The following CDIPT variants were observed in gnomAD, a reference collection of about 807,000 sequenced individuals.
CDIPT encodes the protein PI synthase.
A neutral mutation model predicts 21.6 loss-of-function variants in CDIPT; 17 were observed. The observed-to-expected ratio is 0.79, with a 90% CI of 0.54 to 1.18. The LOEUF is 1.18. Among genes scored for constraint, CDIPT ranks in the 50% most tolerant of loss-of-function variants. CDIPT has a pLI of 0.00. For synonymous variants in CDIPT, 119 were observed against 117.9 expected, an observed-to-expected ratio of 1.01 and a Z score of -0.06; for missense variants, 254 against 284.9, an observed-to-expected ratio of 0.89 and a Z score of 0.78.
In CDIPT at chr16:29,863,138, G is replaced by A. The variant is rs1438560417; in HGVS notation, c.-281C>T. The A allele has an allele frequency of 2.8e-5, 13 of 462,314 alleles. No individual in the cohort carries two copies. Among genetic ancestry groups the A allele is most frequent in the Admixed American group, 4.5e-5 (1 of 22,070 alleles). 28.6% of individuals were successfully genotyped at this position (462,314 alleles called of 1,614,324 possible). A position where few individuals can be genotyped will look rare whatever the true frequency, so the allele number is the denominator to read the frequency against. On this transcript the variant is annotated 5_prime_UTR_variant, in exon 1 of 6. Coordinates refer to ENST00000219789, the MANE Select transcript of CDIPT (RefSeq NM_006319.5). The stretch of plus-strand genomic sequence containing the variant: ...GCAGGCGCTCCGGGCCTCCAGCTGC[G>A]GTCGCCGCTGCTCCAGCTGCGCGTG...
In CDIPT at chr16:29,860,564, G is replaced by A. The variant is rs1315171262; in HGVS notation, c.414+17C>T. The A allele has an allele frequency of 1.2e-5, 18 of 1,549,900 alleles. No homozygotes were observed. The highest frequency in any genetic ancestry group is 1.6e-5 in the Non-Finnish European group (18 of 1,122,076). ...CAGCCAAGAGCCTGAGGGGTGGGGT[G>A]TGCAGGAAATGCTTACCCTCGAGGT... On this transcript the variant is annotated intron_variant, in intron 4 of 5. Transcript: ENST00000219789.
At position 29,860,664 on chromosome 16, in the gene CDIPT, T is replaced by G; in HGVS notation, c.333-2A>C. The G allele has an allele frequency of 6.2e-7, 1 of 1,604,774 alleles. No individual in the cohort carries two copies. The highest frequency in any genetic ancestry group is 8.5e-7 in the Non-Finnish European group (1 of 1,172,408). On this transcript the variant is annotated splice_acceptor_variant, in intron 3 of 5. Transcript: ENST00000219789. LOFTEE classifies it high-confidence loss of function. ...CTCTCACTGCCTCGGACCACAGAAC[T>G]TGGGGAGAAAACAGGGGAACCCACA...
chr16:29,860,259 T>C (rs1416961476), intron 4 of CDIPT, among the ~76,000 whole-genome samples: 1 of 152,180 alleles, frequency 6.6e-6, no homozygotes, highest in East Asian at 1.9e-4. Context: ...CCATTATCTT[T>C]TTAAAAATCC....
rs574475619 is a variant in CDIPT, at chr16:29,861,739, T to C, written c.179-480A>G. On this transcript the variant is annotated intron_variant, in intron 2 of 5. Transcript: ENST00000219789. ...TGAATACACTGTTTTTTGTTTTTTG[T>C]TTTTTTTTTTCCGAGACAGAGTCTT... 1.5e-5 allele frequency: 5 copies of C among 339,104 alleles called. No homozygotes were observed. In the East Asian group the frequency reaches 2.1e-4, roughly 14 times the overall value. The allele number at this position is 339,104 out of a possible 1,614,324, so 21.0% of individuals were successfully genotyped here. A position where few individuals can be genotyped will look rare whatever the true frequency, so the allele number is the denominator to read the frequency against.
At position 29,862,293 on chromosome 16, in the gene CDIPT, G is replaced by A. The variant is rs1309680564; in HGVS notation, c.178+293C>T. 6.6e-6 allele frequency among the ~76,000 whole-genome samples: 1 copy of A among 152,124 alleles called. No homozygotes were observed. The highest frequency in any genetic ancestry group is 1.5e-5 in the Non-Finnish European group (1 of 68,016). ...AAAAATTAGCCGGGTGTGGTGGCAC[G>A]CTCCTGTAGTCCCAGCTAGTCAGGA... On this transcript the variant is annotated intron_variant, in intron 2 of 5. Coordinates refer to ENST00000219789, the MANE Select transcript of CDIPT (RefSeq NM_006319.5). The surrounding 1 kb of genome is among the most constrained non-coding windows in gnomAD (Gnocchi z 6.7).
chr16:29,861,638 T>A, intron 2 of CDIPT: 3 of 749,406 alleles, frequency 4.0e-6, no homozygotes, highest in Non-Finnish European at 6.4e-6. Flanking sequence ...TCCCTCTCCA[T>A]CCTCCCTCTA....
chr16:29,863,051 A>C lies in CDIPT; in HGVS notation c.-194T>G. 1.5e-6 allele frequency: 1 copy of C among 659,252 alleles called. No individual in the cohort carries two copies. Among genetic ancestry groups the C allele is most frequent in the Non-Finnish European group, 2.6e-6 (1 of 380,504 alleles). 40.8% of individuals were successfully genotyped at this position (659,252 alleles called of 1,614,324 possible). On this transcript the variant is annotated 5_prime_UTR_variant, in exon 1 of 6. Coordinates refer to ENST00000219789, the MANE Select transcript of CDIPT (RefSeq NM_006319.5). ...ATGGACCGGCCCCGAGGTGCGCGGGACGCAGGGGGCGCGCGCAGTCCGCCC... is the reference window on the plus strand; with the variant it reads ...ATGGACCGGCCCCGAGGTGCGCGGGCCGCAGGGGGCGCGCGCAGTCCGCCC...
chr16:29,861,360 G>T, intron 2 of CDIPT, 101 bp from the exon 3 acceptor site: 3 of 1,562,244 alleles, frequency 1.9e-6, no homozygotes, highest in Non-Finnish European at 2.6e-6. Context: ...ACGAAGACTG[G>T]AAGTGTCCGC....
intron 2 of CDIPT, chr16:29,861,596 A>G: frequency 8.5e-7 from 1 of 1,173,750 alleles, no homozygotes; most frequent in Non-Finnish European, 1.2e-6. Context: ...ACAGATTAAA[A>G]AATTAGTCAA....
At position 29,859,581 on chromosome 16, in the gene CDIPT, C is replaced by G. The variant is rs530047011; in HGVS notation, c.415-58G>C. ...GAGGCAGGCGTGTGCCACCCCCTGC[C>G]CCCCCAGCACTAATGAAGGCACAAT... On this transcript the variant is annotated intron_variant, in intron 4 of 5. Coordinates refer to ENST00000219789, the MANE Select transcript of CDIPT (RefSeq NM_006319.5). This position sits in a 1 kb window ranked among gnomAD's most constrained non-coding sequence, Gnocchi z 4.5. 2.5e-5 allele frequency: 27 copies of G among 1,097,558 alleles called. No homozygotes were observed. Among genetic ancestry groups the G allele is most frequent in the Middle Eastern group, 2.0e-4 (1 of 5,084 alleles). 68.0% of individuals were successfully genotyped at this position (1,097,558 alleles called of 1,614,324 possible).
chr16:29,859,475 G>A lies in CDIPT; in HGVS notation c.463C>T (p.Leu155Phe), dbSNP rs748709466. The change falls in exon 5 of 6, where the codon CTC becomes TTC. Residue 155 changes from leucine (L) to phenylalanine (F), a missense_variant. Leu to Phe is a conservative substitution (Grantham distance 22). Transcript: ENST00000219789. This position sits in a 1 kb window ranked among gnomAD's most constrained non-coding sequence, Gnocchi z 4.5. Reference sequence around the variant, plus strand: ...CCCTCAGAGAAATGGAACAGGTAGAGGAGGCAGTAGAAGAGCTCATTCCCA... The same window carrying A: ...CCCTCAGAGAAATGGAACAGGTAGAAGAGGCAGTAGAAGAGCTCATTCCCA... ...CAGNELFYCL[L>F]YLFHFSEGPL... is the part of the protein sequence containing the mutation. 2 of 1,613,546 alleles carry A rather than the reference G, an allele frequency of 1.2e-6. No individual in the cohort carries two copies. Among genetic ancestry groups the A allele is most frequent in the Non-Finnish European group, 1.7e-6 (2 of 1,179,630 alleles).
intron 3 of CDIPT, 163 bp downstream of exon 3, chr16:29,860,943 G>A (rs1245029838): frequency 4.4e-6 from 3 of 674,218 alleles, no homozygotes; most frequent in Admixed American, 2.7e-5. Flanking sequence ...CATGACTGAA[G>A]CTTTAAAGAG....
In CDIPT at chr16:29,862,994, C is replaced by T; in HGVS notation, c.-137G>A. On this transcript the variant is annotated 5_prime_UTR_variant, in exon 1 of 6. Transcript: ENST00000219789. This position sits in a 1 kb window ranked among gnomAD's most constrained non-coding sequence, Gnocchi z 6.7. Reference sequence around the variant, plus strand: ...CTGGACCCCGCCGCCCCAACCTGGCCCCAGATGCTGAAGCCCGCAGCCGTC... The same window carrying T: ...CTGGACCCCGCCGCCCCAACCTGGCTCCAGATGCTGAAGCCCGCAGCCGTC... The T allele has an allele frequency of 9.9e-7, 1 of 1,009,682 alleles. No homozygotes were observed. The highest frequency in any genetic ancestry group is 1.5e-6 in the Non-Finnish European group (1 of 649,142). 62.5% of individuals were successfully genotyped at this position (1,009,682 alleles called of 1,614,324 possible).
chr16:29,861,630 C>T, intron 2 of CDIPT: 1 of 771,318 alleles, frequency 1.3e-6, no homozygotes, highest in East Asian at 2.7e-5. Context: ...ATCACCCTTC[C>T]CTCTCCATCC....
rs752418353 is a variant in CDIPT, at chr16:29,862,554, C to T, written c.178+32G>A. The T allele has an allele frequency of 9.7e-6, 15 of 1,552,362 alleles. No individual in the cohort carries two copies. In the African/African-American group the frequency reaches 1.6e-4, roughly 17 times the overall value. On this transcript the variant is annotated intron_variant, in intron 2 of 5. Coordinates refer to ENST00000219789, the MANE Select transcript of CDIPT (RefSeq NM_006319.5). This position sits in a 1 kb window ranked among gnomAD's most constrained non-coding sequence, Gnocchi z 6.7. ...GGGAAGGGAGGAGGGGATTGTTGAA[C>T]CCCAAGGCTGGCTGAGAGGGGTGTC...
intron 4 of CDIPT, 99 bp downstream of exon 4, chr16:29,860,482 G>T: frequency 1.3e-6 from 1 of 779,608 alleles, no homozygotes; most frequent in Non-Finnish European, 2.2e-6. Context: ...GGCAGGCCCT[G>T]CTCTGCGCCC....
At position 29,862,599 on chromosome 16, in the gene CDIPT, G is replaced by A. The variant is rs758969620; in HGVS notation, c.165C>T (p.Arg55=). ...LLDAFDGHAA[R]ALNQGTRFGA... ...GGTGTCTGTCACCTTGATTAAGAGC[G>A]CGAGCAGCGTGTCCATCGAAAGCGT... The change falls in exon 2 of 6, where the codon CGC becomes CGT. Residue 55 remains arginine, a synonymous_variant. Transcript: ENST00000219789. This position sits in a 1 kb window ranked among gnomAD's most constrained non-coding sequence, Gnocchi z 6.7. 62 of 1,580,726 alleles carry A rather than the reference G, an allele frequency of 3.9e-5. No individual in the cohort carries two copies. The highest frequency in any genetic ancestry group is 4.9e-5 in the Non-Finnish European group (57 of 1,163,258).
rs894714090 is a variant in CDIPT, at chr16:29,859,997, TC to T, written c.415-475del. On this transcript the variant is annotated intron_variant, in intron 4 of 5. Transcript: ENST00000219789. This position sits in a 1 kb window ranked among gnomAD's most constrained non-coding sequence, Gnocchi z 4.5. Reference sequence around the variant, plus strand: ...TCCAGCCTGGGTGACAGAGCAGGACTCTGTCTCAAAAAAATAAATAAATAAA... The same window carrying T: ...TCCAGCCTGGGTGACAGAGCAGGACTTGTCTCAAAAAAATAAATAAATAAA... 3.2e-4 allele frequency among the ~76,000 whole-genome samples: 49 copies of T among 152,128 alleles called. 1 individual carries two copies. Among genetic ancestry groups the T allele is most frequent in the Non-Finnish European group, 7.4e-5 (5 of 67,992 alleles).
At position 29,860,635 on chromosome 16, in the gene CDIPT, G is replaced by C; in HGVS notation, c.360C>G (p.His120Gln). 6 of 1,612,868 alleles carry C rather than the reference G, an allele frequency of 3.7e-6. No individual in the cohort carries two copies. The highest frequency in any genetic ancestry group is 5.1e-6 in the Non-Finnish European group (6 of 1,179,064). ...GATTCCCGGACAAGTCGATCATCTT[G>C]TGACTCTCACTGCCTCGGACCACAG... Reference protein sequence around the residue: ...HSSVVRGSESHKMIDLSGNPV... With the variant: ...HSSVVRGSESQKMIDLSGNPV... Residue 120 changes from histidine (H) to glutamine (Q), a missense_variant, in exon 4 of 6, where the codon CAC becomes CAG. Physicochemically the swap from His to Gln is conservative, Grantham distance 24. Transcript: ENST00000219789.
Sources: gnomAD v4.1 joint callset for allele counts (sites outside exome capture counted in the v4.1 genomes callset) on GRCh38, gnomAD v4.1.1 for gene constraint, Gnocchi (gnomAD v3.1) non-coding constraint, MANE v1.5 for transcripts, NCBI Gene and HGNC (gene_info 2026-07-23, HGNC 2026-07-21) for gene names.